Variants in WWOX observed in about 807,000 individuals in gnomAD.
The protein encoded by WWOX is WW domain-containing oxidoreductase.
In WWOX, 69 loss-of-function variants were observed where a neutral mutation model predicts 46.2. That is an observed-to-expected ratio of 1.49 (90% CI 1.23 to 1.82). WWOX has a LOEUF of 1.82. Among genes scored for constraint, WWOX ranks in the 40% most tolerant of loss-of-function variants. The pLI, the probability that WWOX is intolerant of heterozygous loss-of-function variation, is 0.00. For missense variants in WWOX, 919 were observed against 542.6 expected, an observed-to-expected ratio of 1.69 and a Z score of -6.89; for synonymous variants, 359 against 202.6, an observed-to-expected ratio of 1.77 and a Z score of -6.56.
At chr16:78,384,835 T>G (rs184425740) in intron 5 of WWOX, among the ~76,000 whole-genome samples, 1 of 152,042 alleles carries the variant, frequency 6.6e-6, no homozygotes, top group African/African-American at 2.4e-5. Flanking sequence ...CTACCACCTT[T>G]CCTTAAAACT....
intron 8 of WWOX, among the ~76,000 whole-genome samples, chr16:78,766,174 C>A (rs963226496): frequency 5.3e-5 from 8 of 152,240 alleles, no homozygotes; most frequent in Non-Finnish European, 1.0e-4. Flanking sequence ...AGGGGCAGGA[C>A]ATACTGCGTG....
At chr16:78,784,244 G>A (rs1322405765) in intron 8 of WWOX, among the ~76,000 whole-genome samples, 1 of 152,082 alleles carries the variant, frequency 6.6e-6, no homozygotes, top group Non-Finnish European at 1.5e-5. Flanking sequence ...TTATAGATGA[G>A]GAAACCTTGG....
At chr16:78,461,944 C>T (rs759716607) in intron 8 of WWOX, among the ~76,000 whole-genome samples, 3 of 152,196 alleles carry the variant, frequency 2.0e-5, no homozygotes, top group Non-Finnish European at 2.9e-5. Context: ...TCAGCTAGAG[C>T]CAGCAGTATC....
chr16:79,176,620 G>A (rs1026799065), intron 8 of WWOX, among the ~76,000 whole-genome samples: 2 of 152,138 alleles, frequency 1.3e-5, no homozygotes, highest in Non-Finnish European at 2.9e-5. Flanking sequence ...TGATGTCTGT[G>A]TGTCTTCATG....
At chr16:78,249,665 G>A (rs1337033246) in intron 5 of WWOX, among the ~76,000 whole-genome samples, 1 of 152,152 alleles carries the variant, frequency 6.6e-6, no homozygotes, top group African/African-American at 2.4e-5. Context: ...CATGGAAAAT[G>A]TTTTTGTATA....
chr16:78,391,536 G>C (rs189900967), intron 6 of WWOX, among the ~76,000 whole-genome samples: 1 of 152,172 alleles, frequency 6.6e-6, no homozygotes. Flanking sequence ...TTCTGTATTG[G>C]TTATGTATTG....
chr16:78,390,005 C>G (rs938948150), intron 6 of WWOX, among the ~76,000 whole-genome samples: 5 of 152,184 alleles, frequency 3.3e-5, no homozygotes, highest in African/African-American at 1.2e-4. Flanking sequence ...CCTTGGCCTC[C>G]CAAACTGCTG....
chr16:78,809,599 C>G (rs1463623082), intron 8 of WWOX, among the ~76,000 whole-genome samples: 1 of 152,100 alleles, frequency 6.6e-6, no homozygotes, highest in East Asian at 1.9e-4. Flanking sequence ...TTCCCTCCTC[C>G]TATCAGTTTT....
At chr16:78,503,670 T>G (rs547511540) in intron 8 of WWOX, 8 of 152,184 alleles carry the variant, frequency 5.3e-5, no homozygotes, top group African/African-American at 1.9e-4. Context: ...TACATGTGTA[T>G]ATGCATGATT....
chr16:78,279,585 A>G (rs903383847), intron 5 of WWOX, among the ~76,000 whole-genome samples: 1 of 152,192 alleles, frequency 6.6e-6, no homozygotes, highest in African/African-American at 2.4e-5. Context: ...GGAAGCCTTC[A>G]TTCCCTAAAG....
At chr16:78,481,760 T>TGTGTGTGTGTGC (rs1567598405) in intron 8 of WWOX, among the ~76,000 whole-genome samples, 2 of 148,298 alleles carry the variant, frequency 1.3e-5, no homozygotes, top group Non-Finnish European at 1.5e-5. Context: ...TGTGTGTGTG[T>TGTGTGTGTGTGC]GTGTGCGCGC....
intron 8 of WWOX, among the ~76,000 whole-genome samples, chr16:78,774,517 T>C (rs61523708): frequency 1.9e-5 from 2 of 106,064 alleles, no homozygotes; most frequent in African/African-American, 2.9e-5. Context: ...TGTGTGTGTG[T>C]GTGTGTGTGT....
chr16:78,836,309 A>T (rs922652936), intron 8 of WWOX, among the ~76,000 whole-genome samples: 5 of 152,094 alleles, frequency 3.3e-5, no homozygotes, highest in African/African-American at 1.2e-4. Context: ...AGGGCCACAC[A>T]AGGAGGTAAA....
At chr16:79,127,017 T>G (rs762991183) in intron 8 of WWOX, among the ~76,000 whole-genome samples, 4 of 152,154 alleles carry the variant, frequency 2.6e-5, no homozygotes, top group Non-Finnish European at 4.4e-5. Flanking sequence ...ACTTATTTCT[T>G]TAATTTTATT....
intron 6 of WWOX, among the ~76,000 whole-genome samples, chr16:78,417,425 C>G (rs537300710): frequency 2.0e-5 from 3 of 151,886 alleles, no homozygotes; most frequent in Non-Finnish European, 4.4e-5. Context: ...TCATTTCTGT[C>G]TGTAAATGGC....
intron 8 of WWOX, among the ~76,000 whole-genome samples, chr16:78,946,885 A>G (rs2045959573): frequency 6.6e-6 from 1 of 152,128 alleles, no homozygotes; most frequent in Non-Finnish European, 1.5e-5. Context: ...AGGACATCAC[A>G]CGATGACCTT....
At chr16:79,128,289 TCAGA>T (rs757146272) in intron 8 of WWOX, among the ~76,000 whole-genome samples, 81 of 152,060 alleles carry the variant, frequency 5.3e-4, no homozygotes, top group Admixed American at 1.4e-3. Context: ...CCACGTGTGT[TCAGA>T]CAAACACTAA....
chr16:79,076,679 G>C (rs926342363), intron 8 of WWOX, among the ~76,000 whole-genome samples: 2 of 152,202 alleles, frequency 1.3e-5, no homozygotes, highest in African/African-American at 4.8e-5. Flanking sequence ...AGAGTCAGAC[G>C]GATCGAACTT....
intron 8 of WWOX, among the ~76,000 whole-genome samples, chr16:78,855,327 A>T (rs1027357031): frequency 1.4e-4 from 21 of 152,198 alleles, no homozygotes; most frequent in African/African-American, 4.3e-4. Context: ...TCTTATCATA[A>T]TAAATCTGAG....
Sources: gnomAD v4.1 joint callset for allele counts (sites outside exome capture counted in the v4.1 genomes callset) on GRCh38, gnomAD v4.1.1 for gene constraint, MANE v1.5 for transcripts, NCBI Gene and HGNC (gene_info 2026-07-23, HGNC 2026-07-21) for gene names.